GRK7: variants seen among roughly 807,000 people sequenced by gnomAD.
GRK7 encodes rhodopsin kinase GRK7.
GRK7 carries 24 observed loss-of-function variants against 34.1 expected under a neutral mutation model. The observed-to-expected ratio is 0.70, with a 90% CI of 0.51 to 0.99. The LOEUF (loss-of-function observed/expected upper bound fraction) is 0.99, where lower values mean the gene tolerates loss of function less well. Among genes scored for constraint, GRK7 ranks in the 50% least tolerant of loss-of-function variants. GRK7 has a pLI of 0.00. For synonymous variants in GRK7, 256 were observed against 279.4 expected (o/e 0.92, Z 0.84); for missense variants, 644 against 707.3 (o/e 0.91, Z 1.02).
chr3:141,791,273 A>G (rs2084722862), intron 4 of GRK7, among the ~76,000 whole-genome samples: 1 of 152,170 alleles, frequency 6.6e-6, no homozygotes, highest in Non-Finnish European at 1.5e-5. Flanking sequence ...GACATACTGG[A>G]AAGGTGATTT....
the GRK7 span, among the ~76,000 whole-genome samples, chr3:141,752,415 A>G: frequency 5.3e-5 from 8 of 152,200 alleles, no homozygotes; most frequent in Non-Finnish European, 1.0e-4. Context: ...GGATGCTGCT[A>G]AACGTCCACA....
intron 1 of GRK7, among the ~76,000 whole-genome samples, chr3:141,773,640 T>C (rs1164039819): frequency 6.6e-6 from 1 of 152,156 alleles, no homozygotes; most frequent in African/African-American, 2.4e-5. Flanking sequence ...GGTCTCGATC[T>C]CCTGACCTTG....
intron 1 of GRK7, among the ~76,000 whole-genome samples, chr3:141,770,943 C>A (rs143772266): frequency 6.7e-6 from 1 of 149,070 alleles, no homozygotes; most frequent in African/African-American, 2.5e-5. Flanking sequence ...TGCACTAAGC[C>A]GTGATCACAC....
intron 4 of GRK7, among the ~76,000 whole-genome samples, chr3:141,804,469 GA>G (rs1299934238): frequency 6.6e-6 from 1 of 152,026 alleles, no homozygotes; most frequent in East Asian, 1.9e-4. Context: ...TCATTACCTG[GA>G]TAGCCTTCTA....
chr3:141,756,928 G>GA, the GRK7 span, among the ~76,000 whole-genome samples: 1 of 151,992 alleles, frequency 6.6e-6, no homozygotes, highest in Non-Finnish European at 1.5e-5. Flanking sequence ...AAACTCAGAA[G>GA]AAAAAAGTAA....
chr3:141,804,642 C>T (rs1711005006), intron 4 of GRK7, among the ~76,000 whole-genome samples: 1 of 151,744 alleles, frequency 6.6e-6, no homozygotes, highest in African/African-American at 2.4e-5. Context: ...CACTCACACA[C>T]ATGCACATAT....
At chr3:141,776,973 C>G (rs536257785) in intron 2 of GRK7, among the ~76,000 whole-genome samples, 4 of 152,272 alleles carry the variant, frequency 2.6e-5, no homozygotes, top group African/African-American at 9.6e-5. Context: ...AGATCAATTT[C>G]TGTCTTGATG....
intron 4 of GRK7, among the ~76,000 whole-genome samples, chr3:141,804,274 C>T (rs750241096): frequency 2.0e-5 from 3 of 152,068 alleles, no homozygotes; most frequent in Non-Finnish European, 2.9e-5. Flanking sequence ...TCTGGGATTT[C>T]GTGATAGAGG....
At chr3:141,774,361 G>T (rs535076430) in intron 1 of GRK7, among the ~76,000 whole-genome samples, 1 of 152,180 alleles carries the variant, frequency 6.6e-6, no homozygotes, top group East Asian at 1.9e-4. Flanking sequence ...GGTTGAGGCT[G>T]CAGTGAACTG....
the GRK7 span, among the ~76,000 whole-genome samples, chr3:141,751,729 AATTT>A: frequency 6.6e-6 from 1 of 152,204 alleles, no homozygotes; most frequent in African/African-American, 2.4e-5. Flanking sequence ...AGCTATGTAA[AATTT>A]AATTAATTAC....
At chr3:141,813,283 G>A (rs1163843188) in intron 5 of GRK7, among the ~76,000 whole-genome samples, 2 of 152,004 alleles carry the variant, frequency 1.3e-5, no homozygotes, top group Non-Finnish European at 2.9e-5. Context: ...GTGCCACCAC[G>A]CCTGACTAAT....
In GRK7 at chr3:141,780,525, C is replaced by T; in HGVS notation, c.764C>T (p.Ala255Val). Reference sequence around the variant, plus strand: ...AGCAGCCCTTTCATTGTCTCTCTGGCCTATGCCTTTGAGAGCAAGACCCAT... The same window carrying T: ...AGCAGCCCTTTCATTGTCTCTCTGGTCTATGCCTTTGAGAGCAAGACCCAT... Reference protein sequence around the residue: ...KVSSPFIVSLAYAFESKTHLC... With the variant: ...KVSSPFIVSLVYAFESKTHLC... The change falls in exon 4 of 6, where the codon GCC (alanine) becomes GTC (valine). Residue 255 changes from alanine (A) to valine (V), a missense_variant. By Grantham distance (64) the Ala-to-Val change is moderately conservative. Coordinates refer to ENST00000682958, the MANE Select transcript of GRK7 (RefSeq NM_139209.3). The T allele has an allele frequency of 1.2e-6, 2 of 1,614,218 alleles. No homozygotes were observed. Among genetic ancestry groups the T allele is most frequent in the Non-Finnish European group, 1.7e-6 (2 of 1,180,036 alleles).
At chr3:141,815,980 A>C (rs1322122515) in intron 5 of GRK7, among the ~76,000 whole-genome samples, 1 of 152,234 alleles carries the variant, frequency 6.6e-6, no homozygotes, top group Non-Finnish European at 1.5e-5. Context: ...AAGCTGTGAC[A>C]TAATAAATGT....
rs1440607256 is a variant in GRK7, at chr3:141,780,715, G to T, written c.954G>T (p.Lys318Asn). The T allele has an allele frequency of 1.2e-5, 20 of 1,614,230 alleles. No homozygotes were observed. The highest frequency in any genetic ancestry group is 1.7e-5 in the Non-Finnish European group (20 of 1,180,052). The change falls in exon 4 of 6, where the codon AAG (lysine) becomes AAT (asparagine). Residue 318 changes from lysine (K) to asparagine (N), a missense_variant. By Grantham distance (94) the Lys-to-Asn change is moderately conservative (BLOSUM62 0). Transcript: ENST00000682958. ...TCGGCATCGTCTATCGGGACATGAA[G>T]CCTGAGAATGTGCTTCTGGATGACC... ...HELGIVYRDM[K>N]PENVLLDDLG...
Position 141,778,685 on chromosome 3 carries a change from G to A in GRK7, c.401G>A (p.Cys134Tyr), listed in dbSNP as rs73872327. 78 of 1,613,658 alleles carry A rather than the reference G, an allele frequency of 4.8e-5. No homozygotes were observed. The African/African-American group carries it at 9.7e-4, about 20-fold the overall frequency. Residue 134 changes from cysteine (C) to tyrosine (Y), a missense_variant, in exon 3 of 6, where the codon TGC becomes TAC. Transcript: ENST00000682958. The surrounding 1 kb of genome is among the most constrained non-coding windows in gnomAD (Gnocchi z 4.1). ...PFLSQAVATK[C>Y]QAATTEEERV... ...CTCAGCCAGGCCGTGGCCACCAAGT[G>A]CCAAGCAGCCACCACTGAGGAAGAG...
chr3:141,810,946 G>C (rs1711086769), intron 5 of GRK7, among the ~76,000 whole-genome samples: 1 of 152,154 alleles, frequency 6.6e-6, no homozygotes, highest in African/African-American at 2.4e-5. Context: ...GCTGAGTCAG[G>C]AGGACAGTCT....
intron 4 of GRK7, among the ~76,000 whole-genome samples, chr3:141,802,588 T>C (rs963173195): frequency 6.6e-6 from 1 of 152,192 alleles, no homozygotes; most frequent in African/African-American, 2.4e-5. Flanking sequence ...TTCCCTCTAC[T>C]GCCTCCTTTT....
At position 141,776,144 on chromosome 3, in the gene GRK7, G is replaced by A. The variant is rs151105376; in HGVS notation, c.-114+1464G>A. ...CTAAACAAAATACAAAAAATTAGCC[G>A]GGCGCGGTGGCGGGCACCTGTAGTC... is the stretch of plus-strand genomic sequence containing the variant. On this transcript the variant is annotated intron_variant, in intron 2 of 5. Coordinates refer to ENST00000682958, the MANE Select transcript of GRK7 (RefSeq NM_139209.3). Among the ~76,000 whole-genome samples, 897 of 152,014 alleles carry A rather than the reference G, an allele frequency of 5.9e-3. 5 individuals are homozygous for A. The highest frequency in any genetic ancestry group is 0.021 in the African/African-American group (862 of 41,472).
intron 3 of GRK7, among the ~76,000 whole-genome samples, chr3:141,780,110 C>A (rs1284341953): frequency 2.0e-5 from 3 of 152,184 alleles, no homozygotes; most frequent in African/African-American, 7.2e-5. Context: ...TTTTTATTCC[C>A]ACCAGCAATG....
Sources: gnomAD v4.1 joint callset for allele counts (sites outside exome capture counted in the v4.1 genomes callset) on GRCh38, gnomAD v4.1.1 for gene constraint, Gnocchi (gnomAD v3.1) non-coding constraint, MANE v1.5 for transcripts, NCBI Gene and HGNC (gene_info 2026-07-23, HGNC 2026-07-21) for gene names.